HIGD1C: variants seen among roughly 807,000 people sequenced by gnomAD.
HIGD1C encodes the protein HIG1 domain family member 1C.
In HIGD1C, 11 loss-of-function variants were observed where a neutral mutation model predicts 13.1. The observed-to-expected ratio is 0.84, with a 90% CI of 0.53 to 1.39. The LOEUF (loss-of-function observed/expected upper bound fraction) is 1.39. Ranked by LOEUF, HIGD1C falls within the 40% of genes most tolerant of loss-of-function variation. The probability of loss-of-function intolerance (pLI) is 0.00; values close to 1 mark genes in which losing one functional copy is unlikely to be tolerated. For missense variants in HIGD1C, 110 were observed against 112.0 expected (o/e 0.98, Z 0.08); for synonymous variants, 36 against 37.7 (o/e 0.95, Z 0.17).
intron 1 of HIGD1C, among the ~76,000 whole-genome samples, chr12:50,956,907 T>C (rs1044984675): frequency 1.3e-5 from 2 of 152,192 alleles, no homozygotes; most frequent in Non-Finnish European, 2.9e-5. Context: ...TTTCCAGAGT[T>C]CTTTCTAGAA....
chr12:50,942,265 A>C, the HIGD1C span, among the ~76,000 whole-genome samples: 1 of 152,114 alleles, frequency 6.6e-6, no homozygotes, highest in Non-Finnish European at 1.5e-5. Flanking sequence ...TTCTTACTCT[A>C]TATTTTTTAA....
chr12:50,937,479 G>A, the HIGD1C span, among the ~76,000 whole-genome samples: 1 of 151,814 alleles, frequency 6.6e-6, no homozygotes, highest in African/African-American at 2.4e-5. Flanking sequence ...CTTAGATCTG[G>A]ACTCCCAGAA....
At chr12:50,944,132 T>A in the HIGD1C span, among the ~76,000 whole-genome samples, 1 of 152,082 alleles carries the variant, frequency 6.6e-6, no homozygotes, top group Admixed American at 6.6e-5. Context: ...CCACTGAGAC[T>A]GGAAATGTAA....
intron 1 of HIGD1C, among the ~76,000 whole-genome samples, chr12:50,955,927 T>TA (rs1439081384): frequency 6.6e-6 from 1 of 152,196 alleles, no homozygotes; most frequent in East Asian, 1.9e-4. Context: ...AGTGGAAAGA[T>TA]AAAAGTGTTT....
At chr12:50,939,290 G>A in the HIGD1C span, among the ~76,000 whole-genome samples, 1 of 151,752 alleles carries the variant, frequency 6.6e-6, no homozygotes, top group Non-Finnish European at 1.5e-5. Context: ...TGGAATTACA[G>A]GCATCTGCCA....
chr12:50,938,604 T>C, the HIGD1C span, among the ~76,000 whole-genome samples: 1 of 152,168 alleles, frequency 6.6e-6, no homozygotes, highest in Admixed American at 6.5e-5. Flanking sequence ...ATGCCTCCCC[T>C]ACTGTAGCTG....
the HIGD1C span, among the ~76,000 whole-genome samples, chr12:50,941,199 G>A: frequency 6.6e-6 from 1 of 151,814 alleles, no homozygotes; most frequent in Admixed American, 6.6e-5. Context: ...TGTTACCCAG[G>A]CTGGTCGCAA....
At chr12:50,951,781 G>A (rs1363283011), upstream of HIGD1C, among the ~76,000 whole-genome samples, 1 of 151,912 alleles carries the variant, frequency 6.6e-6, no homozygotes, top group East Asian at 1.9e-4. Context: ...AATTAGCCGG[G>A]CGTGGTGTGG....
At chr12:50,949,003 T>C (rs1411135509), upstream of HIGD1C, 2 of 142,182 alleles carry the variant, frequency 1.4e-5, no homozygotes, top group African/African-American at 2.6e-5. Flanking sequence ...TGCTGTAATG[T>C]CTCCAGCCTA....
chr12:50,942,796 C>T, the HIGD1C span, among the ~76,000 whole-genome samples: 3 of 150,886 alleles, frequency 2.0e-5, no homozygotes, highest in African/African-American at 7.3e-5. Flanking sequence ...CCCAGGAGTT[C>T]GAGGCTGCAG....
rs775305025 is a variant in HIGD1C, at chr12:50,960,956, T to A, written c.95-12T>A. The A allele has an allele frequency of 1.3e-6, 2 of 1,555,692 alleles. No homozygotes were observed. Among genetic ancestry groups the A allele is most frequent in the Non-Finnish European group, 1.7e-6 (2 of 1,148,804 alleles). On this transcript the variant is annotated splice_polypyrimidine_tract_variant and intron_variant, in intron 1 of 2. Coordinates refer to ENST00000398455, the Ensembl canonical transcript of HIGD1C. Reference sequence around the variant, plus strand: ...CAGCCTTCCAAATAACCCATACTTTTAAAATTCACAGGTATAGCAGGCTTT... The same window carrying A: ...CAGCCTTCCAAATAACCCATACTTTAAAAATTCACAGGTATAGCAGGCTTT...
chr12:50,957,888 G>GA (rs1485023355), intron 1 of HIGD1C, among the ~76,000 whole-genome samples: 4 of 144,918 alleles, frequency 2.8e-5, no homozygotes, highest in South Asian at 2.2e-4. Context: ...CCTGTCTGAA[G>GA]AAAAAAAACA....
intron 1 of HIGD1C, chr12:50,954,476 CTT>C (rs1423368456): frequency 6.3e-6 from 1 of 158,526 alleles, no homozygotes; most frequent in African/African-American, 2.4e-5. Context: ...GCATATGTCT[CTT>C]TGTCTTGTAA....
chr12:50,942,648 C>A, the HIGD1C span, among the ~76,000 whole-genome samples: 1 of 152,050 alleles, frequency 6.6e-6, no homozygotes, highest in African/African-American at 2.4e-5. Flanking sequence ...AGGAGGATTG[C>A]CTGAGTTTGG....
chr12:50,934,019 C>G, the HIGD1C span, among the ~76,000 whole-genome samples: 2 of 152,232 alleles, frequency 1.3e-5, no homozygotes, highest in African/African-American at 4.8e-5. Context: ...CTGGGAGATA[C>G]AGCCCTGGCA....
chr12:50,957,937 G>GGTGTGTGTGTGTGTGTGTGTGTGT (rs71089717), intron 1 of HIGD1C, among the ~76,000 whole-genome samples: 16 of 132,408 alleles, frequency 1.2e-4, no homozygotes, highest in African/African-American at 2.7e-4. Flanking sequence ...ATGAATTGGA[G>GGTGTGTGTGTGTGTGTGTGTGTGT]GTGTGTGTGT....
intron 2 of HIGD1C, among the ~76,000 whole-genome samples, chr12:50,962,223 T>TA (rs1484617545): frequency 7.3e-6 from 1 of 137,190 alleles, no homozygotes; most frequent in African/African-American, 2.7e-5. Context: ...CCATCTCTAC[T>TA]AAAAAAATTA....
At chr12:50,945,733 T>TA in the HIGD1C span, among the ~76,000 whole-genome samples, 1 of 152,200 alleles carries the variant, frequency 6.6e-6, no homozygotes, top group South Asian at 2.1e-4. Context: ...AAAACTACTT[T>TA]AAAGTTCATA....
the HIGD1C span, among the ~76,000 whole-genome samples, chr12:50,945,445 C>T: frequency 6.6e-6 from 1 of 152,146 alleles, no homozygotes; most frequent in South Asian, 2.1e-4. Context: ...CAATAACAGA[C>T]AGAGAGCCAA....
Sources: allele counts gnomAD v4.1 joint callset (sites outside exome capture counted in the v4.1 genomes callset), GRCh38; gene constraint gnomAD v4.1.1; transcripts MANE v1.5; gene names NCBI Gene and HGNC (gene_info 2026-07-23, HGNC 2026-07-21).